UXS1: variants seen among roughly 807,000 people sequenced by gnomAD.
UXS1 encodes UDP-glucuronic acid decarboxylase 1.
UXS1 carries 33 observed loss-of-function variants against 62.6 expected under a neutral mutation model. The ratio of observed to expected loss-of-function variants is 0.53; its 90% CI spans 0.40 to 0.70. The LOEUF (loss-of-function observed/expected upper bound fraction) is 0.70, where lower values mean the gene tolerates loss of function less well. Ranked by LOEUF, UXS1 falls within the 30% of genes least tolerant of loss-of-function variation. The pLI is 0.00. For missense variants in UXS1, 434 were observed against 556.3 expected (o/e 0.78, Z 2.21); for synonymous variants, 213 against 206.8 (o/e 1.03, Z -0.26).
At chr2:106,155,853 C>T (rs973599917) in intron 5 of UXS1, among the ~76,000 whole-genome samples, 4 of 152,136 alleles carry the variant, frequency 2.6e-5, no homozygotes, top group African/African-American at 9.7e-5. Flanking sequence ...GACAACCGGA[C>T]AGCCATATCC....
At chr2:106,096,589 A>ATC in intron 14 of UXS1, 129 bp downstream of exon 14, 1 of 688,808 alleles carries the variant, frequency 1.5e-6, no homozygotes, top group East Asian at 2.8e-5. Flanking sequence ...AAAACCCTCT[A>ATC]TCTGCCTGGA....
In UXS1 at chr2:106,122,132, C is replaced by A. The variant is rs544672112; in HGVS notation, c.759+838G>T. On this transcript the variant is annotated intron_variant, in intron 9 of 14. Coordinates refer to ENST00000283148, the MANE Select transcript of UXS1 (RefSeq NM_001253875.2). ...TGACAGCATTGCTCCCAGAAACAGA[C>A]ACTGCATCTACCAACAGCCTGTCCT... Among the ~76,000 whole-genome samples the A allele has an allele frequency of 2.4e-3, 362 of 152,350 alleles. 1 individual carries two copies. Among genetic ancestry groups the A allele is most frequent in the Non-Finnish European group, 3.5e-3 (239 of 68,038 alleles).
chr2:106,162,643 G>A (rs1321890318), intron 4 of UXS1, among the ~76,000 whole-genome samples: 1 of 152,126 alleles, frequency 6.6e-6, no homozygotes, highest in African/African-American at 2.4e-5. Context: ...CATAACTAAA[G>A]CACAGAATCA....
At chr2:106,138,723 T>A (rs966496745) in intron 6 of UXS1, 4 of 985,302 alleles carry the variant, frequency 4.1e-6, no homozygotes, top group African/African-American at 1.7e-5. Flanking sequence ...GGCCGCCCCA[T>A]CAGACTGTCG....
intron 7 of UXS1, among the ~76,000 whole-genome samples, chr2:106,127,725 C>T (rs952433739): frequency 4.6e-5 from 7 of 152,184 alleles, no homozygotes; most frequent in Non-Finnish European, 1.0e-4. Flanking sequence ...CAGCGCCTCT[C>T]GGTTCAGAAT....
chr2:106,138,671 T>A, intron 6 of UXS1: 2 of 985,488 alleles, frequency 2.0e-6, no homozygotes, highest in Non-Finnish European at 2.4e-6. Flanking sequence ...TGTTTCTTCC[T>A]CACTGGACAG....
At chr2:106,100,073 T>C (rs1901458) in intron 12 of UXS1, among the ~76,000 whole-genome samples, 113,491 of 152,116 alleles carry the variant, frequency 0.75, 42,644 homozygotes, top group South Asian at 0.78. Flanking sequence ...TAGAGTGTTG[T>C]GTAGGAACCA....
chr2:106,137,081 A>G (rs1680714188), intron 6 of UXS1, among the ~76,000 whole-genome samples: 1 of 151,800 alleles, frequency 6.6e-6, no homozygotes, highest in Non-Finnish European at 1.5e-5. Context: ...AACAAAACAC[A>G]AAATCTTTAA....
intron 5 of UXS1, among the ~76,000 whole-genome samples, chr2:106,147,749 C>T (rs1440305815): frequency 6.6e-5 from 10 of 152,228 alleles, no homozygotes; most frequent in East Asian, 1.9e-4. Flanking sequence ...TAAACTAATC[C>T]GCCTGCCTCG....
At chr2:106,160,323 G>A (rs1682792606) in intron 4 of UXS1, 1 of 152,216 alleles carries the variant, frequency 6.6e-6, no homozygotes, top group African/African-American at 2.4e-5. Context: ...CAGTGCCGTG[G>A]CACAGCTGAG....
intron 7 of UXS1, among the ~76,000 whole-genome samples, chr2:106,127,555 T>C (rs1680064459): frequency 6.6e-6 from 1 of 152,208 alleles, no homozygotes; most frequent in South Asian, 2.1e-4. Flanking sequence ...GGAGCTATCC[T>C]GCTGCTGTAG....
intron 12 of UXS1, chr2:106,100,716 G>A (rs187102285): frequency 2.9e-4 from 61 of 209,838 alleles, no homozygotes; most frequent in African/African-American, 1.2e-3. Context: ...TTCTAAAAAT[G>A]CAATCAGGCC....
intron 1 of UXS1, among the ~76,000 whole-genome samples, chr2:106,187,548 T>C (rs1558762914): frequency 6.6e-6 from 1 of 152,154 alleles, no homozygotes; most frequent in Non-Finnish European, 1.5e-5. Context: ...GTTTGAAGTC[T>C]ATTACCATAA....
intron 1 of UXS1, among the ~76,000 whole-genome samples, chr2:106,187,924 T>A (rs180762730): frequency 7.2e-5 from 11 of 152,174 alleles, no homozygotes; most frequent in Admixed American, 7.2e-4. Flanking sequence ...GTATTTTTAC[T>A]AGAGACGGGG....
At chr2:106,128,147 T>C (rs6735859) in intron 7 of UXS1, among the ~76,000 whole-genome samples, 89,344 of 151,824 alleles carry the variant, frequency 0.59, 26,495 homozygotes, top group South Asian at 0.64. Context: ...AGTTCTGGTA[T>C]GATGGAGGGG....
intron 5 of UXS1, among the ~76,000 whole-genome samples, chr2:106,155,116 G>A (rs552218396): frequency 1.7e-3 from 261 of 152,282 alleles, no homozygotes; most frequent in Admixed American, 5.6e-3. Flanking sequence ...ATTCATGATG[G>A]ATCTGTCCCC....
chr2:106,117,702 T>C (rs1253312592), intron 9 of UXS1, among the ~76,000 whole-genome samples: 1 of 152,150 alleles, frequency 6.6e-6, no homozygotes, highest in African/African-American at 2.4e-5. Flanking sequence ...CCAGGCTCTC[T>C]CTGACGCTTC....
chr2:106,193,452 G>C (rs575266353), intron 1 of UXS1, among the ~76,000 whole-genome samples: 45 of 152,150 alleles, frequency 3.0e-4, no homozygotes, highest in African/African-American at 1.0e-3. Context: ...CCTGTCTCCA[G>C]GCAGCATGCT....
At chr2:106,190,743 CAAA>C (rs35043298) in intron 1 of UXS1, among the ~76,000 whole-genome samples, 2 of 124,886 alleles carry the variant, frequency 1.6e-5, no homozygotes, top group African/African-American at 3.1e-5. Context: ...AACTCTGTAT[CAAA>C]AAAAAAAAAA....
Sources: allele counts gnomAD v4.1 joint callset (sites outside exome capture counted in the v4.1 genomes callset), GRCh38; gene constraint gnomAD v4.1.1; transcripts MANE v1.5; gene names NCBI Gene and HGNC (gene_info 2026-07-23, HGNC 2026-07-21).